Variants in BCKDHB observed in about 807,000 individuals in gnomAD.
BCKDHB encodes the protein 2-oxoisovalerate dehydrogenase subunit beta, mitochondrial.
A neutral mutation model predicts 48.5 loss-of-function variants in BCKDHB; 41 were observed. The observed-to-expected ratio is 0.85, with a 90% CI of 0.66 to 1.10. The LOEUF (loss-of-function observed/expected upper bound fraction) is 1.10. BCKDHB is among the 50% of genes least tolerant of loss of function. The pLI, the probability that BCKDHB is intolerant of heterozygous loss-of-function variation, is 0.00. For missense variants in BCKDHB, 496 were observed against 494.2 expected, an observed-to-expected ratio of 1.00 and a Z score of -0.03; for synonymous variants, 201 against 174.8, an observed-to-expected ratio of 1.15 and a Z score of -1.18.
At chr6:80,144,102 A>G (rs181918454) in intron 3 of BCKDHB, among the ~76,000 whole-genome samples, 260 of 152,276 alleles carry the variant, frequency 1.7e-3, no homozygotes, top group African/African-American at 6.0e-3. Context: ...ATGTTCCTCA[A>G]AACTCAAAAG....
Position 80,171,157 on chromosome 6 carries a change from A to C in BCKDHB, c.634-125A>C. ...CTTAATAAGTGATAATTAGGCTTAA[A>C]ATAAATAGCCAATATCTATTTTTAA... On this transcript the variant is annotated intron_variant, in intron 5 of 9. Coordinates refer to ENST00000320393, the MANE Select transcript of BCKDHB (RefSeq NM_183050.4). 4.3e-5 allele frequency: 27 copies of C among 626,928 alleles called. No individual in the cohort carries two copies. In the South Asian group the frequency reaches 5.4e-4, roughly 13 times the overall value. 38.8% of individuals were successfully genotyped at this position (626,928 alleles called of 1,614,324 possible).
intron 6 of BCKDHB, among the ~76,000 whole-genome samples, chr6:80,186,344 G>C (rs76851383): frequency 3.3e-5 from 5 of 152,126 alleles, no homozygotes; most frequent in South Asian, 4.1e-4. Context: ...GCCAGGGAAG[G>C]GGGGAAAGCC....
the BCKDHB span, among the ~76,000 whole-genome samples, chr6:80,414,440 T>C: frequency 6.6e-6 from 1 of 152,182 alleles, no homozygotes; most frequent in South Asian, 2.1e-4. Context: ...TACATTGAAG[T>C]CCTTAATCTA....
chr6:80,420,607 C>G, the BCKDHB span, among the ~76,000 whole-genome samples: 2 of 152,180 alleles, frequency 1.3e-5, no homozygotes, highest in East Asian at 3.9e-4. Context: ...TGTGGAAACA[C>G]ATGAGGTGCT....
chr6:80,207,026 T>A (rs1774697879), intron 8 of BCKDHB, among the ~76,000 whole-genome samples: 1 of 151,858 alleles, frequency 6.6e-6, no homozygotes. Flanking sequence ...AAAAATAGTT[T>A]AGGCAAACAG....
chr6:80,167,590 C>T lies in BCKDHB; in HGVS notation c.344-88C>T, dbSNP rs73479950. ...CTACCTGTTCTATACTTCTCCATCCCATTATTAGTTTACTGAATTTTTAAA... is the reference window on the plus strand; with the variant it reads ...CTACCTGTTCTATACTTCTCCATCCTATTATTAGTTTACTGAATTTTTAAA... On this transcript the variant is annotated intron_variant, in intron 3 of 9. Coordinates refer to ENST00000320393, the MANE Select transcript of BCKDHB (RefSeq NM_183050.4). 0.061 allele frequency: 80,236 copies of T among 1,317,084 alleles called. 4,351 individuals are homozygous for T. The highest frequency in any genetic ancestry group is 0.23 in the South Asian group (18,802 of 82,854). The allele number at this position is 1,317,084 out of a possible 1,614,324, so 81.6% of individuals were successfully genotyped here.
chr6:80,298,370 A>G (rs563945982), intron 9 of BCKDHB, among the ~76,000 whole-genome samples: 4 of 152,254 alleles, frequency 2.6e-5, no homozygotes, highest in African/African-American at 9.6e-5. Context: ...CGGCCTCCCA[A>G]AATGCTGGGA....
At chr6:80,192,038 T>G (rs1773923734) in intron 6 of BCKDHB, among the ~76,000 whole-genome samples, 1 of 152,206 alleles carries the variant, frequency 6.6e-6, no homozygotes, top group South Asian at 2.1e-4. Flanking sequence ...TTCATGAATT[T>G]TAGGAATTGA....
intron 1 of BCKDHB, among the ~76,000 whole-genome samples, chr6:80,120,724 G>A (rs903694443): frequency 2.0e-5 from 3 of 152,090 alleles, no homozygotes; most frequent in Non-Finnish European, 2.9e-5. Flanking sequence ...TCTTTTTCTT[G>A]TAAATTTGTT....
intron 4 of BCKDHB, 57 bp downstream of exon 4, chr6:80,167,868 G>A (rs1239414941): frequency 1.2e-5 from 18 of 1,543,448 alleles, no homozygotes; most frequent in Non-Finnish European, 1.5e-5. Context: ...AAGTATTGCC[G>A]CTACCCTTCC....
the BCKDHB span, among the ~76,000 whole-genome samples, chr6:80,397,200 A>G: frequency 6.6e-6 from 1 of 152,174 alleles, no homozygotes; most frequent in African/African-American, 2.4e-5. Context: ...TGCTTCCTTT[A>G]TAAACACTTA....
chr6:80,433,672 G>T, the BCKDHB span, among the ~76,000 whole-genome samples: 1 of 151,988 alleles, frequency 6.6e-6, no homozygotes, highest in Non-Finnish European at 1.5e-5. Flanking sequence ...AGAGTGAAGG[G>T]TTCTGTCTCA....
intron 6 of BCKDHB, among the ~76,000 whole-genome samples, chr6:80,195,984 G>A (rs567841579): frequency 1.3e-5 from 2 of 152,196 alleles, no homozygotes; most frequent in African/African-American, 4.8e-5. Context: ...TATGAATAAA[G>A]CCCTATCCGA....
chr6:80,351,824 CTTT>C, the BCKDHB span, among the ~76,000 whole-genome samples: 1 of 135,082 alleles, frequency 7.4e-6, no homozygotes, highest in Non-Finnish European at 1.6e-5. Context: ...TTCTTTCTTT[CTTT>C]TTTTTTTTTT....
the BCKDHB span, among the ~76,000 whole-genome samples, chr6:80,354,254 G>A: frequency 6.6e-6 from 1 of 151,392 alleles, no homozygotes; most frequent in East Asian, 1.9e-4. Context: ...TTTATACAGA[G>A]TCTCACTCTG....
At chr6:80,317,868 GGCTTCTCA>G (rs1346376670) in intron 9 of BCKDHB, among the ~76,000 whole-genome samples, 1 of 152,094 alleles carries the variant, frequency 6.6e-6, no homozygotes, top group Admixed American at 6.5e-5. Context: ...TCCAGGCCAG[GGCTTCTCA>G]GCTGACTGTT....
chr6:80,269,048 G>A (rs994280713), intron 8 of BCKDHB, among the ~76,000 whole-genome samples: 7 of 152,080 alleles, frequency 4.6e-5, no homozygotes, highest in Non-Finnish European at 1.0e-4. Flanking sequence ...AAAGTTAAAC[G>A]ATTTGTTTTA....
the BCKDHB span, among the ~76,000 whole-genome samples, chr6:80,463,694 C>T: frequency 1.3e-5 from 2 of 151,844 alleles, no homozygotes; most frequent in South Asian, 4.1e-4. Context: ...TGGCTATGTT[C>T]AAGGCTTAAA....
chr6:80,400,991 A>G, the BCKDHB span, among the ~76,000 whole-genome samples: 1 of 151,656 alleles, frequency 6.6e-6, no homozygotes, highest in Non-Finnish European at 1.5e-5. Flanking sequence ...ATATGTTCTC[A>G]TTTATAAGTG....
Sources: gnomAD v4.1 joint callset for allele counts (sites outside exome capture counted in the v4.1 genomes callset) on GRCh38, gnomAD v4.1.1 for gene constraint, MANE v1.5 for transcripts, NCBI Gene and HGNC (gene_info 2026-07-23, HGNC 2026-07-21) for gene names.